RILP: variants seen among roughly 807,000 people sequenced by gnomAD.
RILP encodes the protein rab-interacting lysosomal protein.
In RILP, 53 loss-of-function variants were observed where a neutral mutation model predicts 40.0. That is an observed-to-expected ratio of 1.32 (90% confidence interval 1.06 to 1.66). The LOEUF (loss-of-function observed/expected upper bound fraction) is 1.66, where lower values mean the gene tolerates loss of function less well. RILP is among the 40% of genes most tolerant of loss of function. RILP has a pLI of 0.00. For synonymous variants in RILP, 272 were observed against 250.6 expected (o/e 1.09, Z -0.80); for missense variants, 626 against 551.7 (o/e 1.13, Z -1.35).
Position 1,649,432 on chromosome 17 carries a change from T to A in RILP, c.302A>T (p.Glu101Val). Reference protein sequence around the residue: ...LREENERLRRELRAGPQEERA... With the variant: ...LREENERLRRVLRAGPQEERA... ...CTTACCCTGTGGCCCCGCGCGCAGCTCCCTGCGGAGGCGCTCGTTCTCCTC... is the reference window on the plus strand; with the variant it reads ...CTTACCCTGTGGCCCCGCGCGCAGCACCCTGCGGAGGCGCTCGTTCTCCTC... Residue 101 changes from glutamate (E) to valine (V), a missense_variant, in exon 2 of 8, where the codon GAG (glutamate) becomes GTG (valine). Coordinates refer to ENST00000301336, the MANE Select transcript of RILP (RefSeq NM_031430.3). This position sits in a 1 kb window ranked among gnomAD's most constrained non-coding sequence, Gnocchi z 4.3. 2 of 1,508,962 alleles carry A rather than the reference T, an allele frequency of 1.3e-6. No homozygotes were observed. The highest frequency in any genetic ancestry group is 2.4e-5 in the South Asian group (2 of 81,730). 93.5% of individuals were successfully genotyped at this position (1,508,962 alleles called of 1,614,324 possible).
Position 1,648,978 on chromosome 17 carries a change from G to C in RILP, c.496C>G (p.Gln166Glu). 6.7e-7 allele frequency: 1 copy of C among 1,492,154 alleles called. No individual in the cohort carries two copies. The highest frequency in any genetic ancestry group is 8.9e-7 in the Non-Finnish European group (1 of 1,127,586). The allele number at this position is 1,492,154 out of a possible 1,614,324, so 92.4% of individuals were successfully genotyped here. Residue 166 changes from glutamine to glutamate, a missense_variant, in exon 4 of 8, where the codon CAG (glutamine) becomes GAG (glutamate). Gln to Glu is a conservative substitution (Grantham distance 29). Coordinates refer to ENST00000301336, the MANE Select transcript of RILP (RefSeq NM_031430.3). This position sits in a 1 kb window ranked among gnomAD's most constrained non-coding sequence, Gnocchi z 4.9. ...TCCTGCGCGGCGCGCAGCTGGGTCT[G>C]CATGGCCGCCAGCTTGTGCCGCAGC... The part of the protein sequence containing the change: ...AELRHKLAAM[Q>E]TQLRAAQDRE...
Position 1,649,719 on chromosome 17 carries a change from T to C in RILP, c.86A>G (p.Tyr29Cys). 6.3e-7 allele frequency: 1 copy of C among 1,592,538 alleles called. No homozygotes were observed. Among genetic ancestry groups the C allele is most frequent in the South Asian group, 1.1e-5 (1 of 90,164 alleles). ...AGTGCCCAGGGCCCCGGCTAGATGG[T>C]ACACAAGCTCCGCGGCCGATGCCGA... The part of the protein sequence containing the change: ...AGSASAAELV[Y>C]HLAGALGTEL... Residue 29 changes from tyrosine (Y) to cysteine (C), a missense_variant, in exon 1 of 8, where the codon TAC becomes TGC. Tyr to Cys is a radical substitution (Grantham distance 194, BLOSUM62 -2). Coordinates refer to ENST00000301336, the MANE Select transcript of RILP (RefSeq NM_031430.3). The surrounding 1 kb of genome is among the most constrained non-coding windows in gnomAD (Gnocchi z 4.3).
In RILP at chr17:1,646,900, A is replaced by G. The variant is rs368515236; in HGVS notation, c.1028+6T>C. The G allele has an allele frequency of 8.2e-6, 13 of 1,582,418 alleles. 1 individual carries two copies. The highest frequency in any genetic ancestry group is 1.1e-5 in the Non-Finnish European group (13 of 1,162,832). ...CACTCTTGCCTTTCCCCTTTCCCCA[A>G]CATACAAACTCTGTATTTTGGACTC... is the stretch of plus-strand genomic sequence containing the variant. On this transcript the variant is annotated splice_donor_region_variant and intron_variant, in intron 7 of 7. Transcript: ENST00000301336. This position sits in a 1 kb window ranked among gnomAD's most constrained non-coding sequence, Gnocchi z 4.3.
chr17:1,647,982 G>T lies in RILP; in HGVS notation c.822-25C>A, dbSNP rs756722343. On this transcript the variant is annotated intron_variant, in intron 5 of 7. Coordinates refer to ENST00000301336, the MANE Select transcript of RILP (RefSeq NM_031430.3). ...CCTAAAGAAAAGGGGCAGGGAGGGA[G>T]AAAGCCCTGGTGATGCCAGCCATGG... 19 of 1,612,562 alleles carry T rather than the reference G, an allele frequency of 1.2e-5. No homozygotes were observed. In the South Asian group the frequency reaches 2.0e-4, roughly 17 times the overall value.
chr17:1,646,681 G>A lies in RILP; in HGVS notation c.1029-62C>T, dbSNP rs1910596774. 1 of 1,479,102 alleles carries A rather than the reference G, an allele frequency of 6.8e-7. No homozygotes were observed. The highest frequency in any genetic ancestry group is 9.1e-7 in the Non-Finnish European group (1 of 1,096,972). The allele number at this position is 1,479,102 out of a possible 1,614,324, so 91.6% of individuals were successfully genotyped here. A position where few individuals can be genotyped will look rare whatever the true frequency, so the allele number is the denominator to read the frequency against. On this transcript the variant is annotated intron_variant, in intron 7 of 7. Transcript: ENST00000301336. The surrounding 1 kb of genome is among the most constrained non-coding windows in gnomAD (Gnocchi z 4.3). ...AGCCAGAGAGGTCAAGGATATGGGT[G>A]AGGGCAGGGGATGGTGAGAAAAGGG...
At position 1,649,537 on chromosome 17, in the gene RILP, T is replaced by C. The variant is rs1567671793; in HGVS notation, c.229-32A>G. 2 of 1,508,326 alleles carry C rather than the reference T, an allele frequency of 1.3e-6. No individual in the cohort carries two copies. The highest frequency in any genetic ancestry group is 2.1e-5 in the Admixed American group (1 of 47,882). The allele number at this position is 1,508,326 out of a possible 1,614,324, so 93.4% of individuals were successfully genotyped here. A position where few individuals can be genotyped will look rare whatever the true frequency, so the allele number is the denominator to read the frequency against. On this transcript the variant is annotated intron_variant, in intron 1 of 7. Coordinates refer to ENST00000301336, the MANE Select transcript of RILP (RefSeq NM_031430.3). The surrounding 1 kb of genome is among the most constrained non-coding windows in gnomAD (Gnocchi z 4.3). ...AGACCCGGGTCTCAGGCTTCGGCCC[T>C]GCCGGCCCCGTGGGTGGCGAAGGGA...
chr17:1,647,710 G>T, intron 6 of RILP, 125 bp downstream of exon 6: 2 of 1,259,096 alleles, frequency 1.6e-6, no homozygotes, highest in East Asian at 2.3e-5. Context: ...CTCAAGGGGT[G>T]ACCGGGTTGG....
In RILP at chr17:1,648,835, G is replaced by C; in HGVS notation, c.639C>G (p.Thr213=). ...HQHGQEPEWA[T]AGAGAPGNPE... ...GGTTCCCTGGGGCGCCTGCGCCGGC[G>C]GTCGCCCATTCGGGCTCCTGTCCGT... is the stretch of plus-strand genomic sequence containing the variant. The change falls in exon 4 of 8, where the codon ACC becomes ACG. Residue 213 remains threonine, a synonymous_variant. Coordinates refer to ENST00000301336, the MANE Select transcript of RILP (RefSeq NM_031430.3). The surrounding 1 kb of genome is among the most constrained non-coding windows in gnomAD (Gnocchi z 4.9). 1 of 1,536,582 alleles carries C rather than the reference G, an allele frequency of 6.5e-7. No homozygotes were observed. The highest frequency in any genetic ancestry group is 8.7e-7 in the Non-Finnish European group (1 of 1,152,304).
rs1009014231 is a variant in RILP, at chr17:1,649,350, G to A, written c.323-44C>T. ...TAGCGGCGGCGGCGCGCGGCCCGCG[G>A]GAGGGAGGGGAGGACCCGAGCAGGT... is the stretch of plus-strand genomic sequence containing the variant. On this transcript the variant is annotated intron_variant, in intron 2 of 7. Coordinates refer to ENST00000301336, the MANE Select transcript of RILP (RefSeq NM_031430.3). The surrounding 1 kb of genome is among the most constrained non-coding windows in gnomAD (Gnocchi z 4.3). 13 of 1,486,528 alleles carry A rather than the reference G, an allele frequency of 8.7e-6. No individual in the cohort carries two copies. The highest frequency in any genetic ancestry group is 1.2e-5 in the Non-Finnish European group (13 of 1,123,898). The allele number at this position is 1,486,528 out of a possible 1,614,324, so 92.1% of individuals were successfully genotyped here.
chr17:1,648,728 C>T lies in RILP; in HGVS notation c.675+71G>A. 7.0e-7 allele frequency: 1 copy of T among 1,437,716 alleles called. No individual in the cohort carries two copies. Among genetic ancestry groups the T allele is most frequent in the African/African-American group, 1.4e-5 (1 of 69,858 alleles). 89.1% of individuals were successfully genotyped at this position (1,437,716 alleles called of 1,614,324 possible). On this transcript the variant is annotated intron_variant, in intron 4 of 7. Transcript: ENST00000301336. This position sits in a 1 kb window ranked among gnomAD's most constrained non-coding sequence, Gnocchi z 4.9. ...CCGACCTGCTGTGCAGCATGCAAAC[C>T]TTGCTTGAGTGCCCACCGAGGGCTG...
Position 1,648,433 on chromosome 17 carries a change from C to T in RILP, c.738G>A (p.Glu246=), listed in dbSNP as rs1426081677. Residue 246 remains glutamate, a synonymous_variant, in exon 5 of 8, where the codon GAG becomes GAA. Coordinates refer to ENST00000301336, the MANE Select transcript of RILP (RefSeq NM_031430.3). This position sits in a 1 kb window ranked among gnomAD's most constrained non-coding sequence, Gnocchi z 4.9. The part of the protein sequence containing the change: ...SEAGQCRFSR[E]EFEQILQERN... Reference sequence around the variant, plus strand: ...GCTCCTGAAGGATCTGCTCAAACTCCTCCCGACTGAAGCGGCACTGCCCTG... The same window carrying T: ...GCTCCTGAAGGATCTGCTCAAACTCTTCCCGACTGAAGCGGCACTGCCCTG... 2.5e-6 allele frequency: 4 copies of T among 1,614,154 alleles called. No homozygotes were observed. In the Admixed American group the frequency reaches 5.0e-5, roughly 20 times the overall value.
chr17:1,649,187 G>A lies in RILP; in HGVS notation c.429+13C>T, dbSNP rs1213700005. 1.3e-5 allele frequency: 5 copies of A among 393,794 alleles called. No homozygotes were observed. The highest frequency in any genetic ancestry group is 4.1e-5 in the Admixed American group (1 of 24,686). 24.4% of individuals were successfully genotyped at this position (393,794 alleles called of 1,614,324 possible). On this transcript the variant is annotated intron_variant, in intron 3 of 7. Transcript: ENST00000301336. This position sits in a 1 kb window ranked among gnomAD's most constrained non-coding sequence, Gnocchi z 4.3. ...CGCCCCCGCCCCGCCCCAGAGCCCC[G>A]CCCCGCCCTCACCGCCTCGGTCTCC... is the stretch of plus-strand genomic sequence containing the variant.
In RILP at chr17:1,648,409, C is replaced by T. The variant is rs1910737593; in HGVS notation, c.762G>A (p.Glu254=). ...SREEFEQILQ[E]RNELKAKVFL... ...ACACTTTGGCTTTGAGTTCATTCCG[C>T]TCCTGAAGGATCTGCTCAAACTCCT... is the stretch of plus-strand genomic sequence containing the variant. The change falls in exon 5 of 8, where the codon GAG becomes GAA. Residue 254 remains glutamate (E), a synonymous_variant. Transcript: ENST00000301336. This position sits in a 1 kb window ranked among gnomAD's most constrained non-coding sequence, Gnocchi z 4.9. 6.2e-7 allele frequency: 1 copy of T among 1,614,164 alleles called. No individual in the cohort carries two copies. Among genetic ancestry groups the T allele is most frequent in the Non-Finnish European group, 8.5e-7 (1 of 1,180,028 alleles).
Position 1,649,582 on chromosome 17 carries a change from C to G in RILP, c.223G>C (p.Asp75His), listed in dbSNP as rs780241616. 2.3e-5 allele frequency: 36 copies of G among 1,559,876 alleles called. No individual in the cohort carries two copies. The highest frequency in any genetic ancestry group is 1.8e-4 in the Middle Eastern group (1 of 5,706). ...LEQAAVGPAP[D>H]SLQVSAQPAE... is the part of the protein sequence containing the mutation. The stretch of plus-strand genomic sequence containing the variant: ...AAGGGAGGGCCATGACTCACCGAGT[C>G]CGGGGCGGGCCCCACGGCAGCCTGT... The change falls in exon 1 of 8, where the codon GAC (aspartate) becomes CAC (histidine). Residue 75 changes from aspartate (D) to histidine (H), a missense_variant. Physicochemically the swap from Asp to His is moderately conservative, Grantham distance 81. Coordinates refer to ENST00000301336, the MANE Select transcript of RILP (RefSeq NM_031430.3). This position sits in a 1 kb window ranked among gnomAD's most constrained non-coding sequence, Gnocchi z 4.3.
At position 1,648,686 on chromosome 17, in the gene RILP, A is replaced by G; in HGVS notation, c.675+113T>C. 1 of 1,418,244 alleles carries G rather than the reference A, an allele frequency of 7.1e-7. No individual in the cohort carries two copies. The allele number at this position is 1,418,244 out of a possible 1,614,324, so 87.9% of individuals were successfully genotyped here. A position where few individuals can be genotyped will look rare whatever the true frequency, so the allele number is the denominator to read the frequency against. On this transcript the variant is annotated intron_variant, in intron 4 of 7. Coordinates refer to ENST00000301336, the MANE Select transcript of RILP (RefSeq NM_031430.3). This position sits in a 1 kb window ranked among gnomAD's most constrained non-coding sequence, Gnocchi z 4.9. ...GGCCGGGGGCGCAGATCTGTCTGCC[A>G]CCTCCCCGCTTCCTGGCCGACCTGC...
Position 1,649,074 on chromosome 17 carries a change from GGGGCACCGA to G in RILP, c.430-39_430-31del. 5.0e-6 allele frequency: 1 copy of G among 199,286 alleles called. No homozygotes were observed. 12.3% of individuals were successfully genotyped at this position (199,286 alleles called of 1,614,324 possible). On this transcript the variant is annotated intron_variant, in intron 3 of 7. Transcript: ENST00000301336. This position sits in a 1 kb window ranked among gnomAD's most constrained non-coding sequence, Gnocchi z 4.3. Reference sequence around the variant, plus strand: ...GAGCGGAGCAAAGGGTGGGGTGGGCGGGGCACCGAGGGCCCCCCGGAGCCCCGCCCAGCG... The same window carrying G: ...GAGCGGAGCAAAGGGTGGGGTGGGCGGGGCCCCCCGGAGCCCCGCCCAGCG...
Position 1,648,274 on chromosome 17 carries a change from T to C in RILP, c.821+76A>G. 6.5e-7 allele frequency: 1 copy of C among 1,541,760 alleles called. No individual in the cohort carries two copies. The highest frequency in any genetic ancestry group is 8.8e-7 in the Non-Finnish European group (1 of 1,136,306). ...CAGTTCCCAGCGCAGGCCTGGCACA[T>C]GTCACTGTGGACATGTCAATGACTG... On this transcript the variant is annotated intron_variant, in intron 5 of 7. Coordinates refer to ENST00000301336, the MANE Select transcript of RILP (RefSeq NM_031430.3). The surrounding 1 kb of genome is among the most constrained non-coding windows in gnomAD (Gnocchi z 4.9).
Position 1,648,798 on chromosome 17 carries a change from C to G in RILP, c.675+1G>C. On this transcript the variant is annotated splice_donor_variant, in intron 4 of 7. Transcript: ENST00000301336. LOFTEE classifies it high-confidence loss of function. This position sits in a 1 kb window ranked among gnomAD's most constrained non-coding sequence, Gnocchi z 4.9. Reference sequence around the variant, plus strand: ...GGTCCTTGCCCTCATACGGCACTCACCGGGTCCTCAGGGTTCCCTGGGGCG... The same window carrying G: ...GGTCCTTGCCCTCATACGGCACTCAGCGGGTCCTCAGGGTTCCCTGGGGCG... 1 of 1,511,398 alleles carries G rather than the reference C, an allele frequency of 6.6e-7. No homozygotes were observed. Among genetic ancestry groups the G allele is most frequent in the Non-Finnish European group, 8.8e-7 (1 of 1,140,634 alleles). 93.6% of individuals were successfully genotyped at this position (1,511,398 alleles called of 1,614,324 possible). A position where few individuals can be genotyped will look rare whatever the true frequency, so the allele number is the denominator to read the frequency against.
In RILP at chr17:1,649,829, A is replaced by T. The variant is rs1567672319; in HGVS notation, c.-25T>A. 8 of 1,464,182 alleles carry T rather than the reference A, an allele frequency of 5.5e-6. No individual in the cohort carries two copies. The highest frequency in any genetic ancestry group is 4.3e-5 in the African/African-American group (3 of 69,020). The allele number at this position is 1,464,182 out of a possible 1,614,324, so 90.7% of individuals were successfully genotyped here. The stretch of plus-strand genomic sequence containing the variant: ...TGTCTCCCAGAGGCTTAGGGCTGCG[A>T]CCCCCCCACCCCACCCTCCACTGGG... On this transcript the variant is annotated 5_prime_UTR_variant, in exon 1 of 8. Transcript: ENST00000301336. This position sits in a 1 kb window ranked among gnomAD's most constrained non-coding sequence, Gnocchi z 4.3.
Sources: gnomAD v4.1 joint callset for allele counts on GRCh38, gnomAD v4.1.1 for gene constraint, Gnocchi (gnomAD v3.1) non-coding constraint, MANE v1.5 for transcripts, NCBI Gene and HGNC (gene_info 2026-07-23, HGNC 2026-07-21) for gene names.